PDLIM5: variants seen among roughly 807,000 people sequenced by gnomAD.
PDLIM5 encodes the protein PDZ and LIM domain 5.
PDLIM5 carries 34 observed loss-of-function variants against 64.2 expected under a neutral mutation model. The observed-to-expected ratio is 0.53, with a 90% CI of 0.40 to 0.71. The LOEUF (loss-of-function observed/expected upper bound fraction) is 0.71. PDLIM5 is among the 30% of genes least tolerant of loss of function. The probability of loss-of-function intolerance (pLI) is 0.00; values close to 1 mark genes in which losing one functional copy is unlikely to be tolerated. For synonymous variants in PDLIM5, 253 were observed against 269.1 expected (o/e 0.94, Z 0.59); for missense variants, 683 against 733.6 (o/e 0.93, Z 0.80).
intron 3 of PDLIM5, among the ~76,000 whole-genome samples, chr4:94,568,342 C>G (rs1366268331): frequency 6.6e-6 from 1 of 152,108 alleles, no homozygotes; most frequent in Non-Finnish European, 1.5e-5. Flanking sequence ...TACTGTCTGG[C>G]CCTGTATAAT....
rs1047730100 is a variant in PDLIM5 at position 94,590,674 on chromosome 4, T to A, written c.920+4230T>A. Among the ~76,000 whole-genome samples the A allele has an allele frequency of 2.0e-5, 3 of 152,068 alleles. No homozygotes were observed. The South Asian group carries it at 6.2e-4, about 32-fold the overall frequency. On this transcript the variant is annotated intron_variant, in intron 7 of 12. Transcript: ENST00000317968. ...AAAAGGAGTCAGCCGTGTGATGACT[T>A]GAGGGTGGGGAGACAAGTGTGGAAA...
At chr4:94,526,771 G>A (rs1354726182) in intron 3 of PDLIM5, among the ~76,000 whole-genome samples, 12 of 146,018 alleles carry the variant, frequency 8.2e-5, no homozygotes, top group Admixed American at 4.1e-4. Context: ...TCGCTCTGTC[G>A]CCCAGGCTGG....
chr4:94,628,022 A>G (rs138822303), intron 8 of PDLIM5, among the ~76,000 whole-genome samples: 82 of 152,342 alleles, frequency 5.4e-4, no homozygotes, highest in African/African-American at 1.9e-3. Flanking sequence ...TTTTTTAACT[A>G]TGTAAGATCT....
chr4:94,537,815 T>G (rs1206075245), intron 3 of PDLIM5, among the ~76,000 whole-genome samples: 3 of 152,216 alleles, frequency 2.0e-5, no homozygotes, highest in African/African-American at 7.2e-5. Context: ...CAGAGTTCAA[T>G]CTCAGATTTC....
Position 94,585,573 on chromosome 4 carries a change from GA to G in PDLIM5, c.723del (p.Lys241AsnfsTer24). The part of the protein sequence containing the change: ...GDSKQQNGPP[R>X]KHIVERYTEF... Reference sequence around the variant, plus strand: ...TTTCTCCTTAACCCTAGCCCACCAAGAAAACACATTGTGGAGCGCTATACAG... The same window carrying G: ...TTTCTCCTTAACCCTAGCCCACCAAGAAACACATTGTGGAGCGCTATACAG... On this transcript the variant is annotated frameshift_variant, in exon 6 of 13. Coordinates refer to ENST00000317968, the MANE Select transcript of PDLIM5 (RefSeq NM_006457.5). LOFTEE classifies it high-confidence loss of function. The G allele has an allele frequency of 6.3e-7, 1 of 1,579,114 alleles. No individual in the cohort carries two copies. The highest frequency in any genetic ancestry group is 8.6e-7 in the Non-Finnish European group (1 of 1,159,446).
chr4:94,617,644 CAAAAAA>C (rs61055444), intron 7 of PDLIM5, among the ~76,000 whole-genome samples: 4 of 66,596 alleles, frequency 6.0e-5, no homozygotes, highest in African/African-American at 1.6e-4. Flanking sequence ...CCTGTGTCTA[CAAAAAA>C]AAAAAAAAAA....
intron 7 of PDLIM5, among the ~76,000 whole-genome samples, chr4:94,614,690 C>T (rs916316438): frequency 6.6e-6 from 1 of 151,982 alleles, no homozygotes. Context: ...TACTCCAAGC[C>T]CTTTGTAGCT....
intron 1 of PDLIM5, among the ~76,000 whole-genome samples, chr4:94,454,828 G>T (rs1191710374): frequency 6.6e-6 from 1 of 152,218 alleles, no homozygotes; most frequent in Non-Finnish European, 1.5e-5. Context: ...TTAAGTAAGT[G>T]CAGTTGAAAG....
chr4:94,484,935 G>T (rs1362382807), intron 2 of PDLIM5, among the ~76,000 whole-genome samples: 1 of 152,176 alleles, frequency 6.6e-6, no homozygotes, highest in Non-Finnish European at 1.5e-5. Context: ...GAGCGTCTAT[G>T]TTGGAGTAAT....
rs117219152 is a variant in PDLIM5, at chr4:94,639,271, A to G, written c.1109-1005A>G. On this transcript the variant is annotated intron_variant, in intron 8 of 12. Coordinates refer to ENST00000317968, the MANE Select transcript of PDLIM5 (RefSeq NM_006457.5). ...TGAGGTTGTGGGGCAAGCAGAGACC[A>G]CTGGGGGGATTTGTATGCAGCACGT... 1.8e-4 allele frequency among the ~76,000 whole-genome samples: 27 copies of G among 152,270 alleles called. No homozygotes were observed. In the East Asian group the frequency reaches 5.0e-3, roughly 28 times the overall value.
At chr4:94,484,288 C>A (rs1227879859) in intron 2 of PDLIM5, among the ~76,000 whole-genome samples, 1 of 151,996 alleles carries the variant, frequency 6.6e-6, no homozygotes, top group Non-Finnish European at 1.5e-5. Context: ...AAACATTTTT[C>A]TTTCTTTTTT....
At chr4:94,503,874 G>A (rs1410963049) in intron 2 of PDLIM5, among the ~76,000 whole-genome samples, 1 of 152,160 alleles carries the variant, frequency 6.6e-6, no homozygotes, top group African/African-American at 2.4e-5. Flanking sequence ...CTTAACGTGA[G>A]CTTACATTTA....
intron 5 of PDLIM5, chr4:94,582,870 A>AT (rs765157667): frequency 9.7e-4 from 585 of 604,420 alleles, no homozygotes; most frequent in Non-Finnish European, 1.2e-3. Context: ...CATAAGAAGC[A>AT]TTTTTTTTTA....
At chr4:94,456,207 G>GTT (rs35837154) in intron 2 of PDLIM5, 5,595 of 445,316 alleles carry the variant, frequency 0.013, 187 homozygotes, top group African/African-American at 0.088. Context: ...TATACACACA[G>GTT]TTTTTTTTGA....
chr4:94,573,634 A>G (rs1734997181), intron 4 of PDLIM5: 1 of 485,676 alleles, frequency 2.1e-6, no homozygotes, highest in South Asian at 3.1e-5. Flanking sequence ...CTTATGTCAG[A>G]TTTCTTACAT....
intron 2 of PDLIM5, among the ~76,000 whole-genome samples, chr4:94,514,139 T>G (rs988057325): frequency 6.7e-6 from 1 of 148,916 alleles, no homozygotes; most frequent in African/African-American, 2.5e-5. Context: ...TTTTCTTTTT[T>G]TTTTTTTTTT....
chr4:94,604,133 C>A (rs4699303), intron 7 of PDLIM5, among the ~76,000 whole-genome samples: 151,501 of 152,284 alleles, frequency 0.99, 75,360 homozygotes, highest in East Asian at 1. Context: ...AACTCTCGGG[C>A]AACAGAATAG....
chr4:94,507,947 C>A (rs1728533951), intron 2 of PDLIM5, among the ~76,000 whole-genome samples: 1 of 152,168 alleles, frequency 6.6e-6, no homozygotes, highest in South Asian at 2.1e-4. Context: ...CAACTGGGAA[C>A]AGTGACATTG....
chr4:94,478,917 T>A (rs1282953700), intron 2 of PDLIM5, among the ~76,000 whole-genome samples: 2 of 129,458 alleles, frequency 1.5e-5, no homozygotes, highest in Admixed American at 8.3e-5. Flanking sequence ...TTTTTTTTTT[T>A]AAGACAGGGT....
Sources: gnomAD v4.1 joint callset for allele counts (sites outside exome capture counted in the v4.1 genomes callset) on GRCh38, gnomAD v4.1.1 for gene constraint, MANE v1.5 for transcripts, NCBI Gene and HGNC (gene_info 2026-07-23, HGNC 2026-07-21) for gene names.